Variants in GIPC1 observed in about 807,000 individuals in gnomAD.
GIPC1 encodes PDZ domain-containing protein GIPC1.
In GIPC1, 15 loss-of-function variants were observed where a neutral mutation model predicts 28.5. That is an observed-to-expected ratio of 0.53 (90% confidence interval 0.35 to 0.81). The LOEUF is 0.81. GIPC1 is among the 30% of genes least tolerant of loss of function. GIPC1 has a pLI of 0.01. For synonymous variants in GIPC1, 224 were observed against 206.1 expected (o/e 1.09, Z -0.74); for missense variants, 439 against 481.9 (o/e 0.91, Z 0.83).
rs1290143394 is a variant in GIPC1, at chr19:14,478,369, C to A, written c.*47G>T. On this transcript the variant is annotated 3_prime_UTR_variant, in exon 9 of 9. Coordinates refer to ENST00000393033, the MANE Select transcript of GIPC1 (RefSeq NM_005716.4). This position sits in a 1 kb window ranked among gnomAD's most constrained non-coding sequence, Gnocchi z 5.2. ...GACGTCAGTGTCCCTGCTGGGGGCC[C>A]CCACCAGGTTGCGCCCGGGTCATCA... 3.2e-6 allele frequency: 5 copies of A among 1,540,810 alleles called. No homozygotes were observed. The African/African-American group carries it at 5.5e-5, about 17-fold the overall frequency.
chr19:14,482,675 T>C lies in GIPC1; in HGVS notation c.288+14A>G, dbSNP rs1359986197. On this transcript the variant is annotated intron_variant, in intron 4 of 8. Transcript: ENST00000393033. ...ACCATCAGGGACCCTGGTGCCCGGC[T>C]CCCCAGTGGATACCTCGGCAGTTGG... The C allele has an allele frequency of 6.2e-7, 1 of 1,610,632 alleles. No homozygotes were observed. The highest frequency in any genetic ancestry group is 8.5e-7 in the Non-Finnish European group (1 of 1,179,460).
At chr19:14,494,899 C>A (rs549601634) in intron 1 of GIPC1, among the ~76,000 whole-genome samples, 1 of 152,156 alleles carries the variant, frequency 6.6e-6, no homozygotes, top group African/African-American at 2.4e-5. Context: ...TGAAACTTAG[C>A]AACCCCACGG....
At chr19:14,484,840 A>G (rs1001090884) in intron 3 of GIPC1, among the ~76,000 whole-genome samples, 2 of 151,888 alleles carry the variant, frequency 1.3e-5, no homozygotes, top group South Asian at 2.1e-4. Flanking sequence ...GACTCAAGCA[A>G]TCCTCCTGCC....
In GIPC1 at chr19:14,478,484, CA is replaced by C; in HGVS notation, c.933del (p.Phe311LeufsTer55). On this transcript the variant is annotated frameshift_variant, in exon 9 of 9. Coordinates refer to ENST00000393033, the MANE Select transcript of GIPC1 (RefSeq NM_005716.4). LOFTEE classifies it high-confidence loss of function. This position sits in a 1 kb window ranked among gnomAD's most constrained non-coding sequence, Gnocchi z 5.2. Reference protein sequence around the residue: ...AEALDERLGDFAFPDEFVFDV... With the variant: ...AEALDERLGDXAFPDEFVFDV... ...TCAAAGACGAACTCGTCAGGGAAGG[CA>C]AAGTCACCCAGCCGTTCGTCCAGGG... 1 of 1,613,678 alleles carries C rather than the reference CA, an allele frequency of 6.2e-7. No individual in the cohort carries two copies. Among genetic ancestry groups the C allele is most frequent in the South Asian group, 1.1e-5 (1 of 91,058 alleles).
intron 3 of GIPC1, among the ~76,000 whole-genome samples, chr19:14,488,624 T>C (rs1020097462): frequency 6.6e-6 from 1 of 151,420 alleles, no homozygotes; most frequent in African/African-American, 2.4e-5. Flanking sequence ...TGGTGGTGCA[T>C]GCAAACCTCA....
intron 3 of GIPC1, among the ~76,000 whole-genome samples, chr19:14,485,702 TAGAGAGAGAG>T (rs747570310): frequency 7.3e-4 from 43 of 58,798 alleles, no homozygotes; most frequent in Non-Finnish European, 9.6e-4. Flanking sequence ...TATATATATA[TAGAGAGAGAG>T]AGAGAGAGAG....
intron 2 of GIPC1, among the ~76,000 whole-genome samples, chr19:14,492,431 C>T (rs762244874): frequency 9.4e-5 from 14 of 148,584 alleles, no homozygotes; most frequent in Non-Finnish European, 1.8e-4. Context: ...CTCAGCCTCC[C>T]GAGTAGCTGG....
chr19:14,485,731 A>T (rs903513362), intron 3 of GIPC1, among the ~76,000 whole-genome samples: 1 of 139,252 alleles, frequency 7.2e-6, no homozygotes, highest in Non-Finnish European at 1.6e-5. Flanking sequence ...AGAGAGAGAG[A>T]GAGAGAGAGA....
chr19:14,490,897 C>T (rs2071956888), intron 3 of GIPC1, among the ~76,000 whole-genome samples: 1 of 149,064 alleles, frequency 6.7e-6, no homozygotes, highest in African/African-American at 2.5e-5. Context: ...ATGGCGTGAA[C>T]TCGGGAGGCG....
In GIPC1 at chr19:14,478,778, GA is replaced by G; in HGVS notation, c.769-14del. 6.3e-7 allele frequency: 1 copy of G among 1,596,232 alleles called. No individual in the cohort carries two copies. Among genetic ancestry groups the G allele is most frequent in the Non-Finnish European group, 8.6e-7 (1 of 1,163,784 alleles). The stretch of plus-strand genomic sequence containing the variant: ...CAAAGGCAGAGGGCTGGGGGCCAGG[GA>G]GGGGTGACAGCGACATCATAACAAT... On this transcript the variant is annotated splice_polypyrimidine_tract_variant and intron_variant, in intron 7 of 8. Coordinates refer to ENST00000393033, the MANE Select transcript of GIPC1 (RefSeq NM_005716.4). This position sits in a 1 kb window ranked among gnomAD's most constrained non-coding sequence, Gnocchi z 5.2.
rs1266903386 is a variant in GIPC1 at position 14,496,062 on chromosome 19, G to T, written c.-200C>A. The T allele has an allele frequency of 4.0e-6, 1 of 248,368 alleles. No individual in the cohort carries two copies. The highest frequency in any genetic ancestry group is 5.5e-5 in the Admixed American group (1 of 18,264). The allele number at this position is 248,368 out of a possible 1,614,324, so 15.4% of individuals were successfully genotyped here. ...CTGCTCCGCCGCCGCCGCCGCCGCC[G>T]CCGCCGCCGCCGCTGCCTCCGCCTC... On this transcript the variant is annotated 5_prime_UTR_variant, in exon 1 of 9. Coordinates refer to ENST00000393033, the MANE Select transcript of GIPC1 (RefSeq NM_005716.4).
chr19:14,488,749 G>A (rs1204646529), intron 3 of GIPC1, among the ~76,000 whole-genome samples: 5 of 151,318 alleles, frequency 3.3e-5, no homozygotes, highest in Non-Finnish European at 7.4e-5. Context: ...CTCCAGCCTG[G>A]GCGACAGAGC....
chr19:14,478,503 G>A lies in GIPC1; in HGVS notation c.915C>T (p.Asp305=), dbSNP rs767735611. 12 of 1,613,948 alleles carry A rather than the reference G, an allele frequency of 7.4e-6. No individual in the cohort carries two copies. Among genetic ancestry groups the A allele is most frequent in the South Asian group, 2.2e-5 (2 of 91,064 alleles). ...GGAAGGCAAAGTCACCCAGCCGTTC[G>A]TCCAGGGCCTCGGCCAGCTCATCCG... ...RNPDELAEAL[D]ERLGDFAFPD... is the part of the protein sequence containing the mutation. The change falls in exon 9 of 9, where the codon GAC becomes GAT. Residue 305 remains aspartate, a synonymous_variant. Coordinates refer to ENST00000393033, the MANE Select transcript of GIPC1 (RefSeq NM_005716.4). This position sits in a 1 kb window ranked among gnomAD's most constrained non-coding sequence, Gnocchi z 5.2.
chr19:14,479,985 TG>T (rs1288706722), intron 6 of GIPC1: 7 of 489,296 alleles, frequency 1.4e-5, no homozygotes, highest in African/African-American at 1.0e-4. Context: ...GATGGAAAAG[TG>T]GGGGGGCTGG....
At position 14,478,246 on chromosome 19, in the gene GIPC1, A is replaced by G; in HGVS notation, c.*170T>C. 1 of 637,628 alleles carries G rather than the reference A, an allele frequency of 1.6e-6. No individual in the cohort carries two copies. The highest frequency in any genetic ancestry group is 2.6e-6 in the Non-Finnish European group (1 of 381,704). The allele number at this position is 637,628 out of a possible 1,614,324, so 39.5% of individuals were successfully genotyped here. On this transcript the variant is annotated 3_prime_UTR_variant, in exon 9 of 9. Transcript: ENST00000393033. The surrounding 1 kb of genome is among the most constrained non-coding windows in gnomAD (Gnocchi z 5.2). ...GGCCAGACTGGGAACCAGGGAGGGG[A>G]TGGTACCGATTGGAGCGGGGCAGGG...
intron 3 of GIPC1, among the ~76,000 whole-genome samples, chr19:14,484,757 AC>A (rs1217878347): frequency 4.6e-5 from 7 of 151,934 alleles, no homozygotes; most frequent in Non-Finnish European, 8.8e-5. Flanking sequence ...AAAACAAAAA[AC>A]AAAAAACAAA....
Position 14,478,762 on chromosome 19 carries a change from A to G in GIPC1, c.772T>C (p.Ser258Pro). ...RGPATVEDLP[S>P]AFEEKAIEKV... Reference sequence around the variant, plus strand: ...TCAATGGCCTTCTCTTCAAAGGCAGAGGGCTGGGGGCCAGGGAGGGGTGAC... The same window carrying G: ...TCAATGGCCTTCTCTTCAAAGGCAGGGGGCTGGGGGCCAGGGAGGGGTGAC... Residue 258 changes from serine (S) to proline (P), a missense_variant, in exon 8 of 9, where the codon TCT (serine) becomes CCT (proline). By Grantham distance (74) the Ser-to-Pro change is moderately conservative. Coordinates refer to ENST00000393033, the MANE Select transcript of GIPC1 (RefSeq NM_005716.4). This position sits in a 1 kb window ranked among gnomAD's most constrained non-coding sequence, Gnocchi z 5.2. 1 of 1,610,868 alleles carries G rather than the reference A, an allele frequency of 6.2e-7. No individual in the cohort carries two copies. Among genetic ancestry groups the G allele is most frequent in the South Asian group, 1.1e-5 (1 of 90,880 alleles).
In GIPC1 at chr19:14,478,956, A is replaced by C. The variant is rs189206342; in HGVS notation, c.769-191T>G. On this transcript the variant is annotated intron_variant, in intron 7 of 8. Transcript: ENST00000393033. The surrounding 1 kb of genome is among the most constrained non-coding windows in gnomAD (Gnocchi z 5.2). ...AAACTGCGGCCCATGTGCCCAAGGA[A>C]GGTCCCTGGGAGCTGGGAAGTGGCA... 5.9e-5 allele frequency among the ~76,000 whole-genome samples: 9 copies of C among 152,304 alleles called. No homozygotes were observed. The highest frequency in any genetic ancestry group is 3.4e-3 in the Middle Eastern group (1 of 294).
At chr19:14,491,330 C>G (rs886373955) in intron 3 of GIPC1, among the ~76,000 whole-genome samples, 2 of 151,908 alleles carry the variant, frequency 1.3e-5, no homozygotes, top group Admixed American at 6.6e-5. Flanking sequence ...GCGATCTCGG[C>G]TCACTGCAAC....
Sources: allele counts gnomAD v4.1 joint callset (sites outside exome capture counted in the v4.1 genomes callset), GRCh38; gene constraint gnomAD v4.1.1; non-coding constraint Gnocchi (gnomAD v3.1); transcripts MANE v1.5; gene names NCBI Gene and HGNC (gene_info 2026-07-23, HGNC 2026-07-21).